Variants in CEP290 observed in about 807,000 individuals in gnomAD.
CEP290 encodes the protein centrosomal protein 290.
Under a neutral mutation model 344.9 loss-of-function variants are expected in CEP290, and 317 were observed. The ratio of observed to expected loss-of-function variants is 0.92; its 90% CI spans 0.84 to 1.01. The LOEUF is 1.01. Ranked by LOEUF, CEP290 falls within the 50% of genes least tolerant of loss-of-function variation. The pLI is 0.00. For missense variants in CEP290, 2,754 were observed against 2,761.4 expected, an observed-to-expected ratio of 1.00 and a Z score of 0.06; for synonymous variants, 932 against 895.8, an observed-to-expected ratio of 1.04 and a Z score of -0.72.
chr12:88,061,074 T>G, intron 46 of CEP290, 80 bp from the exon 47 acceptor site: 2 of 981,502 alleles, frequency 2.0e-6, no homozygotes, highest in East Asian at 6.0e-5. Context: ...ACAGGCTTAT[T>G]ATACTCAATA....
At chr12:88,090,592 T>C in intron 30 of CEP290, 136 bp downstream of exon 30, 1 of 608,792 alleles carries the variant, frequency 1.6e-6, no homozygotes, top group South Asian at 2.0e-5. Context: ...AATGTACCAC[T>C]GCACTCCACC....
intron 18 of CEP290, 105 bp downstream of exon 18, chr12:88,116,928 C>G (rs987568435): frequency 4.3e-5 from 24 of 553,256 alleles, no homozygotes; most frequent in South Asian, 1.5e-4. Context: ...GAGCCGAGAT[C>G]GCGCCACTGC....
intron 18 of CEP290, chr12:88,115,764 A>G (rs1189626120): frequency 1.0e-6 from 1 of 974,044 alleles, no homozygotes; most frequent in Non-Finnish European, 1.2e-6. Flanking sequence ...AGAAAAACTC[A>G]CCTGAGATCT....
At position 88,114,043 on chromosome 12, in the gene CEP290, C is replaced by T. The variant is rs547878441; in HGVS notation, c.2052+377G>A. 6.6e-5 allele frequency among the ~76,000 whole-genome samples: 10 copies of T among 152,090 alleles called. No homozygotes were observed. In the South Asian group the frequency reaches 2.1e-3, roughly 31 times the overall value. On this transcript the variant is annotated intron_variant, in intron 20 of 53. Transcript: ENST00000552810. ...GCAATTGCAGAGATCTATCATCTTT[C>T]TCATCTAGAAAACCACAGGATACAG...
At chr12:88,095,160 G>T (rs1041459276) in intron 27 of CEP290, among the ~76,000 whole-genome samples, 2 of 152,032 alleles carry the variant, frequency 1.3e-5, no homozygotes, top group African/African-American at 4.8e-5. Flanking sequence ...ATATATAAAG[G>T]AGTCCTTCTC....
Position 88,086,167 on chromosome 12 carries a change from C to A in CEP290, c.4309G>T (p.Glu1437Ter). The A allele has an allele frequency of 6.2e-7, 1 of 1,608,730 alleles. No individual in the cohort carries two copies. The highest frequency in any genetic ancestry group is 8.5e-7 in the Non-Finnish European group (1 of 1,178,888). The change falls in exon 34 of 54, where the codon GAA becomes TAA. Residue 1437 changes from glutamate to a stop codon, truncating the protein, a stop_gained. Coordinates refer to ENST00000552810, the MANE Select transcript of CEP290 (RefSeq NM_025114.4). LOFTEE classifies it high-confidence loss of function. ...GGGTCAGGGATTGATCCTGTAGCTT[C>A]TTCAAACTATTAAGAAATAGTATGT... ...EILNAAQKFE[E>*]ATGSIPDPSL...
Position 88,096,990 on chromosome 12 carries a change from T to C in CEP290, c.3001A>G (p.Ile1001Val). The change falls in exon 27 of 54, where the codon ATC becomes GTC. Residue 1001 changes from isoleucine to valine, a missense_variant. Ile to Val is a conservative substitution (Grantham distance 29). Transcript: ENST00000552810. Reference protein sequence around the residue: ...SNLEHLECENISLKEQVESIN... With the variant: ...SNLEHLECENVSLKEQVESIN... ...GACTCCACTTGTTCTTTTAAGGAGA[T>C]GTTTTCACACTGAATAAAGGAAAAA... 6.5e-7 allele frequency: 1 copy of C among 1,527,204 alleles called. No individual in the cohort carries two copies. Among genetic ancestry groups the C allele is most frequent in the Non-Finnish European group, 8.9e-7 (1 of 1,124,618 alleles). The allele number at this position is 1,527,204 out of a possible 1,614,324, so 94.6% of individuals were successfully genotyped here.
intron 36 of CEP290, 126 bp from the exon 37 acceptor site, chr12:88,083,356 G>A (rs1296889096): frequency 5.5e-6 from 3 of 540,930 alleles, no homozygotes; most frequent in Admixed American, 4.2e-5. Flanking sequence ...TGATTTAATA[G>A]GCAATGAAGG....
chr12:88,121,285 C>T (rs768357633), intron 13 of CEP290, 119 bp from the exon 14 acceptor site: 30 of 668,632 alleles, frequency 4.5e-5, no homozygotes, highest in Non-Finnish European at 6.7e-5. Flanking sequence ...TTAAAGTTGT[C>T]ATTTTATATT....
intron 26 of CEP290, among the ~76,000 whole-genome samples, chr12:88,097,515 C>G (rs1007951285): frequency 4.0e-5 from 6 of 151,584 alleles, no homozygotes; most frequent in Non-Finnish European, 7.4e-5. Flanking sequence ...AAACCTCTTT[C>G]CTTTATAAAT....
intron 11 of CEP290, among the ~76,000 whole-genome samples, chr12:88,127,022 G>A (rs747940274): frequency 3.5e-3 from 44 of 12,418 alleles, no homozygotes; most frequent in Non-Finnish European, 0.012. Context: ...AAATAATAAC[G>A]TTTTTAGATA....
chr12:88,107,496 A>G (rs1323053985), intron 23 of CEP290, among the ~76,000 whole-genome samples: 1 of 152,166 alleles, frequency 6.6e-6, no homozygotes, highest in Non-Finnish European at 1.5e-5. Context: ...AATGCTTACA[A>G]AATAATTTGA....
intron 44 of CEP290, among the ~76,000 whole-genome samples, chr12:88,067,604 C>T (rs990104206): frequency 6.6e-6 from 1 of 152,150 alleles, no homozygotes; most frequent in African/African-American, 2.4e-5. Context: ...TGTCTCTTTC[C>T]TTTCTCACTC....
intron 52 of CEP290, among the ~76,000 whole-genome samples, chr12:88,051,990 C>T (rs779704624): frequency 1.3e-5 from 2 of 152,166 alleles, no homozygotes; most frequent in Non-Finnish European, 2.9e-5. Context: ...GCCTCTATTT[C>T]CTAGCTGGCT....
chr12:88,077,928 G>A lies in CEP290; in HGVS notation c.5365-10C>T. ...AATCTTCAACTTGTGTCTAATAAGA[G>A]AAAAAGAAAGGTATTATTCATGACT... is the stretch of plus-strand genomic sequence containing the variant. On this transcript the variant is annotated splice_polypyrimidine_tract_variant and intron_variant, in intron 39 of 53. Coordinates refer to ENST00000552810, the MANE Select transcript of CEP290 (RefSeq NM_025114.4). 1 of 1,150,842 alleles carries A rather than the reference G, an allele frequency of 8.7e-7. No homozygotes were observed. Among genetic ancestry groups the A allele is most frequent in the Non-Finnish European group, 1.2e-6 (1 of 817,628 alleles). The allele number at this position is 1,150,842 out of a possible 1,614,324, so 71.3% of individuals were successfully genotyped here.
chr12:88,108,705 C>A (rs1482832522), intron 23 of CEP290, among the ~76,000 whole-genome samples: 2 of 152,130 alleles, frequency 1.3e-5, no homozygotes, highest in Non-Finnish European at 2.9e-5. Flanking sequence ...CTAGTCCGAG[C>A]ATTTTCATCT....
At chr12:88,083,527 T>C (rs572038277) in intron 36 of CEP290, among the ~76,000 whole-genome samples, 1 of 152,274 alleles carries the variant, frequency 6.6e-6, no homozygotes, top group African/African-American at 2.4e-5. Flanking sequence ...TGTCATTTCA[T>C]ACATATGGAA....
chr12:88,074,340 T>A (rs549496081), intron 41 of CEP290, among the ~76,000 whole-genome samples: 1 of 152,286 alleles, frequency 6.6e-6, no homozygotes, highest in Admixed American at 6.5e-5. Flanking sequence ...GTGGGGGACA[T>A]AAGGTATGTC....
At chr12:88,068,687 T>C in intron 43 of CEP290, 42 bp from the exon 44 acceptor site, 1 of 1,542,706 alleles carries the variant, frequency 6.5e-7, no homozygotes. Flanking sequence ...TCACATTTCA[T>C]CTTTTTTCTG....
Sources: gnomAD v4.1 joint callset for allele counts (sites outside exome capture counted in the v4.1 genomes callset) on GRCh38, gnomAD v4.1.1 for gene constraint, MANE v1.5 for transcripts, NCBI Gene and HGNC (gene_info 2026-07-23, HGNC 2026-07-21) for gene names.